RMDN1: variants seen among roughly 807,000 people sequenced by gnomAD.
RMDN1 encodes the protein regulator of microtubule dynamics protein 1.
RMDN1 carries 48 observed loss-of-function variants against 48.9 expected under a neutral mutation model. That is an observed-to-expected ratio of 0.98 (90% CI 0.78 to 1.25). The LOEUF is 1.25. RMDN1 is among the 50% of genes most tolerant of loss of function. The pLI is 0.00. For missense variants in RMDN1, 418 were observed against 373.4 expected (o/e 1.12, Z -0.98); for synonymous variants, 148 against 132.6 (o/e 1.12, Z -0.80).
At chr8:86,499,548 C>T (rs1817883052) in intron 2 of RMDN1, among the ~76,000 whole-genome samples, 1 of 152,092 alleles carries the variant, frequency 6.6e-6, no homozygotes, top group African/African-American at 2.4e-5. Flanking sequence ...ATGACAGAAA[C>T]AAATGGAAAA....
downstream of RMDN1, chr8:86,470,405 A>G (rs1364370021): frequency 3.1e-6 from 4 of 1,282,668 alleles, no homozygotes; most frequent in South Asian, 5.0e-5. Context: ...GTGGGGAATC[A>G]GGCTCCTGGG....
upstream of RMDN1, chr8:86,508,776 G>GCACA: frequency 9.5e-7 from 1 of 1,049,690 alleles, no homozygotes; most frequent in Non-Finnish European, 1.2e-6. Flanking sequence ...CCGCCCCCAT[G>GCACA]GTTTCCGGTG....
intron 2 of RMDN1, among the ~76,000 whole-genome samples, chr8:86,505,750 G>T (rs1448797944): frequency 6.6e-6 from 1 of 152,198 alleles, no homozygotes; most frequent in Non-Finnish European, 1.5e-5. Flanking sequence ...TCATGCTGGG[G>T]AGGTTAGCGT....
intron 3 of RMDN1, among the ~76,000 whole-genome samples, chr8:86,488,003 G>A (rs994380093): frequency 2.6e-5 from 4 of 152,108 alleles, no homozygotes; most frequent in African/African-American, 9.7e-5. Context: ...TCATAGGGTT[G>A]AGTCTTTCTC....
upstream of RMDN1, among the ~76,000 whole-genome samples, chr8:86,511,468 G>A (rs555654546): frequency 4.0e-5 from 6 of 150,628 alleles, no homozygotes; most frequent in South Asian, 2.1e-4. Flanking sequence ...GCTAGACTCC[G>A]TCTCAAAGAA....
intron 2 of RMDN1, among the ~76,000 whole-genome samples, chr8:86,500,987 A>G (rs13249753): frequency 0.26 from 40,204 of 152,062 alleles, 6,199 homozygotes; most frequent in East Asian, 0.53. Flanking sequence ...TTAACTGGGC[A>G]CTAAACACTG....
chr8:86,508,138 G>A, intron 1 of RMDN1: 1 of 230,510 alleles, frequency 4.3e-6, no homozygotes, highest in East Asian at 9.1e-5. Context: ...AGTCTGAAAG[G>A]GGCAGCCTCA....
intron 4 of RMDN1, among the ~76,000 whole-genome samples, chr8:86,485,190 G>A (rs1487700176): frequency 1.3e-5 from 2 of 152,216 alleles, no homozygotes; most frequent in East Asian, 1.9e-4. Context: ...TACTTTGGGA[G>A]GCCGAGGTGG....
chr8:86,503,376 A>AAAAAAC lies in RMDN1; in HGVS notation c.247+3618_247+3619insGTTTTT, dbSNP rs1563656403. Among the ~76,000 whole-genome samples the AAAAAAC allele has an allele frequency of 1.0e-3, 73 of 73,032 alleles. 2 individuals carry two copies. The highest frequency in any genetic ancestry group is 7.2e-3 in the African/African-American group (68 of 9,498). The allele number at this position is 73,032 out of a possible 152,430, so 47.9% of individuals were successfully genotyped here. On this transcript the variant is annotated intron_variant, in intron 2 of 9. Transcript: ENST00000406452. The stretch of plus-strand genomic sequence containing the variant: ...CAAAACAAAACAAAACAAAACAAAA[A>AAAAAAC]AAAAAAAAAAAAACAAAAAAAAATA...
chr8:86,475,859 C>T (rs1011765860), intron 8 of RMDN1, among the ~76,000 whole-genome samples: 8 of 152,028 alleles, frequency 5.3e-5, no homozygotes, highest in African/African-American at 1.4e-4. Context: ...TTCAATCATC[C>T]GATCATTCAT....
chr8:86,510,560 C>T (rs1037005012), upstream of RMDN1, among the ~76,000 whole-genome samples: 1 of 152,198 alleles, frequency 6.6e-6, no homozygotes, highest in Non-Finnish European at 1.5e-5. Context: ...AGAACTCCTT[C>T]AGCCCGTCAG....
intron 2 of RMDN1, among the ~76,000 whole-genome samples, chr8:86,501,017 A>T (rs71525050): frequency 6.6e-6 from 1 of 152,182 alleles, no homozygotes. Context: ...GGACACAAAG[A>T]CAAGAACAAT....
intron 2 of RMDN1, among the ~76,000 whole-genome samples, chr8:86,489,107 T>C (rs1018615147): frequency 9.8e-5 from 15 of 152,320 alleles, no homozygotes; most frequent in African/African-American, 3.6e-4. Context: ...CCAACCATTG[T>C]AGAAAATAAA....
At chr8:86,511,399 AG>A (rs1308823365), upstream of RMDN1, among the ~76,000 whole-genome samples, 7 of 151,992 alleles carry the variant, frequency 4.6e-5, no homozygotes, top group East Asian at 1.4e-3. Context: ...GCGTGAACCC[AG>A]GAAGTGGAGC....
At position 86,508,635 on chromosome 8, in the gene RMDN1, G is replaced by C. The variant is rs753017062; in HGVS notation, c.-15C>G. Reference sequence around the variant, plus strand: ...GCCAGCGCCATGACCTGCAACTTGCGGGCTGACCCTGCACTACTTCAGGCA... The same window carrying C: ...GCCAGCGCCATGACCTGCAACTTGCCGGCTGACCCTGCACTACTTCAGGCA... On this transcript the variant is annotated 5_prime_UTR_variant, in exon 1 of 10. Transcript: ENST00000406452. The C allele has an allele frequency of 3.8e-6, 6 of 1,595,096 alleles. No homozygotes were observed. The highest frequency in any genetic ancestry group is 1.1e-5 in the South Asian group (1 of 89,984).
chr8:86,482,637 T>C (rs552743955), intron 5 of RMDN1: 28 of 780,648 alleles, frequency 3.6e-5, no homozygotes, highest in Non-Finnish European at 6.1e-5. Flanking sequence ...CGAGGTATAC[T>C]TCCAGGCTTC....
In RMDN1 at chr8:86,473,005, A is replaced by G. The variant is rs374119861; in HGVS notation, c.*1303T>C. The G allele has an allele frequency of 4.8e-6, 2 of 418,508 alleles. No individual in the cohort carries two copies. Among genetic ancestry groups the G allele is most frequent in the Admixed American group, 1.3e-4 (2 of 15,594 alleles). The allele number at this position is 418,508 out of a possible 1,614,324, so 25.9% of individuals were successfully genotyped here. On this transcript the variant is annotated 3_prime_UTR_variant, in exon 10 of 10. Transcript: ENST00000406452. The stretch of plus-strand genomic sequence containing the variant: ...ATCTCCAAGATATCTTATTGTGTGT[A>G]TGCAGGTATTCCAAAATTTGGAAAA...
intron 2 of RMDN1, among the ~76,000 whole-genome samples, chr8:86,489,621 G>C (rs972481277): frequency 2.6e-5 from 4 of 152,076 alleles, no homozygotes; most frequent in Admixed American, 6.5e-5. Flanking sequence ...CACCACGTCA[G>C]GAGATTGAGA....
Position 86,503,382 on chromosome 8 carries a change from A to T in RMDN1, c.247+3613T>A, listed in dbSNP as rs56868676. On this transcript the variant is annotated intron_variant, in intron 2 of 9. Transcript: ENST00000406452. ...AAAACAAAACAAAACAAAAAAAAAAAAAAAAAACAAAAAAAAATAACAAAA... is the reference window on the plus strand; with the variant it reads ...AAAACAAAACAAAACAAAAAAAAAATAAAAAAACAAAAAAAAATAACAAAA... 2.6e-5 allele frequency among the ~76,000 whole-genome samples: 3 copies of T among 113,290 alleles called. 1 individual carries two copies. The highest frequency in any genetic ancestry group is 5.1e-5 in the Non-Finnish European group (3 of 58,294). 74.3% of individuals were successfully genotyped at this position (113,290 alleles called of 152,430 possible). A position where few individuals can be genotyped will look rare whatever the true frequency, so the allele number is the denominator to read the frequency against.
Sources: gnomAD v4.1 joint callset for allele counts (sites outside exome capture counted in the v4.1 genomes callset) on GRCh38, gnomAD v4.1.1 for gene constraint, MANE v1.5 for transcripts, NCBI Gene and HGNC (gene_info 2026-07-23, HGNC 2026-07-21) for gene names.